The following GPHN variants were observed in gnomAD, a reference collection of about 807,000 sequenced individuals.
GPHN encodes gephyrin.
In GPHN, 17 loss-of-function variants were observed where a neutral mutation model predicts 95.5. The ratio of observed to expected loss-of-function variants is 0.18; its 90% confidence interval spans 0.12 to 0.27. The LOEUF (loss-of-function observed/expected upper bound fraction) is 0.27, where lower values mean the gene tolerates loss of function less well. GPHN is among the 10% of genes least tolerant of loss of function. The pLI is 1.00. For missense variants in GPHN, 660 were observed against 978.1 expected, an observed-to-expected ratio of 0.67 and a Z score of 4.34; for synonymous variants, 320 against 322.5, an observed-to-expected ratio of 0.99 and a Z score of 0.08.
At chr14:67,312,455 C>T in the GPHN span, 3 of 1,077,998 alleles carry the variant, frequency 2.8e-6, no homozygotes, top group African/African-American at 3.3e-5. Context: ...AAATTTGTAG[C>T]ATTTAAATTG....
intron 4 of GPHN, among the ~76,000 whole-genome samples, chr14:66,855,483 A>G (rs1291454172): frequency 6.6e-6 from 1 of 152,162 alleles, no homozygotes; most frequent in Non-Finnish European, 1.5e-5. Context: ...ATGCCTGAAT[A>G]ATATTCTATT....
intron 11 of GPHN, among the ~76,000 whole-genome samples, chr14:67,060,202 TAA>T (rs144651116): frequency 1.2e-4 from 16 of 136,004 alleles, no homozygotes; most frequent in Admixed American, 1.5e-4. Context: ...CATTCTAATT[TAA>T]AAAAAAAAAA....
chr14:67,491,517 T>C, the GPHN span, among the ~76,000 whole-genome samples: 1 of 152,180 alleles, frequency 6.6e-6, no homozygotes, highest in Admixed American at 6.5e-5. Context: ...TTATTATGAA[T>C]AACAAAAGAC....
the GPHN span, among the ~76,000 whole-genome samples, chr14:67,666,267 C>T: frequency 1.5e-4 from 23 of 152,162 alleles, no homozygotes; most frequent in Admixed American, 3.3e-4. Flanking sequence ...TATGAAAATC[C>T]GCATTCTCAA....
chr14:67,725,176 A>G, the GPHN span: 10 of 1,614,056 alleles, frequency 6.2e-6, no homozygotes, highest in Non-Finnish European at 8.5e-6. Context: ...GGATACAAAG[A>G]ACTCCCAGGT....
intron 17 of GPHN, among the ~76,000 whole-genome samples, chr14:67,129,779 A>AG (rs61523388): frequency 2.0e-5 from 3 of 150,084 alleles, no homozygotes; most frequent in African/African-American, 7.4e-5. Context: ...AGAAAGAGAG[A>AG]AAGAAAGAGA....
At chr14:67,645,540 C>A in the GPHN span, 1 of 1,343,980 alleles carries the variant, frequency 7.4e-7, no homozygotes, top group Non-Finnish European at 1.0e-6. Context: ...TAGGCCCTGG[C>A]TTTGCACTGT....
At chr14:67,624,953 T>C in the GPHN span, among the ~76,000 whole-genome samples, 4,854 of 152,242 alleles carry the variant, frequency 0.032, 242 homozygotes, top group African/African-American at 0.11. Context: ...GCAATCACAG[T>C]GAAACCAGGA....
chr14:67,586,876 C>CA, the GPHN span: 1 of 1,521,252 alleles, frequency 6.6e-7, no homozygotes, highest in African/African-American at 1.4e-5. Context: ...AGAGGATCTC[C>CA]AGACCAACAG....
At chr14:67,735,303 T>C in the GPHN span, 1 of 840,230 alleles carries the variant, frequency 1.2e-6, no homozygotes, top group Non-Finnish European at 2.1e-6. Flanking sequence ...ATCTCACCTC[T>C]CTGTAGTGTC....
At chr14:67,714,829 G>A in the GPHN span, 1 of 152,244 alleles carries the variant, frequency 6.6e-6, no homozygotes, top group Non-Finnish European at 1.5e-5. Context: ...CCTTACACCT[G>A]CACTGTGGTG....
At chr14:67,392,096 A>T in the GPHN span, among the ~76,000 whole-genome samples, 1 of 152,192 alleles carries the variant, frequency 6.6e-6, no homozygotes, top group Non-Finnish European at 1.5e-5. Context: ...TGTGTGTAGT[A>T]CATTTTTCCC....
the GPHN span, chr14:67,724,399 T>TGG: frequency 1.1e-5 from 11 of 991,934 alleles, no homozygotes; most frequent in Non-Finnish European, 1.7e-5. Flanking sequence ...AGAGTTTTTT[T>TGG]TTTTTTTTTT....
intron 9 of GPHN, among the ~76,000 whole-genome samples, chr14:67,004,483 C>A (rs1221380620): frequency 6.6e-6 from 1 of 151,598 alleles, no homozygotes; most frequent in Non-Finnish European, 1.5e-5. Context: ...AAATATTGTC[C>A]ATTTTTTAAA....
the GPHN span, among the ~76,000 whole-genome samples, chr14:67,515,983 A>C: frequency 1.3e-5 from 2 of 152,260 alleles, no homozygotes; most frequent in Non-Finnish European, 2.9e-5. Context: ...TATACCATAA[A>C]GGTTACAGAG....
chr14:66,684,378 G>T (rs2067199028), intron 2 of GPHN, among the ~76,000 whole-genome samples: 1 of 152,092 alleles, frequency 6.6e-6, no homozygotes. Flanking sequence ...TGTGGACAAA[G>T]TACAGAAATA....
At chr14:66,803,431 T>C (rs954023606) in intron 3 of GPHN, among the ~76,000 whole-genome samples, 1 of 152,206 alleles carries the variant, frequency 6.6e-6, no homozygotes, top group Non-Finnish European at 1.5e-5. Flanking sequence ...TTTTTTTGTG[T>C]AGATAGTTGT....
At chr14:67,043,804 A>C (rs897775589) in intron 10 of GPHN, among the ~76,000 whole-genome samples, 14 of 152,172 alleles carry the variant, frequency 9.2e-5, no homozygotes, top group African/African-American at 3.4e-4. Context: ...GAATGGTACC[A>C]GCTACTTTTT....
At chr14:67,682,635 C>T in the GPHN span, among the ~76,000 whole-genome samples, 1 of 152,176 alleles carries the variant, frequency 6.6e-6, no homozygotes, top group East Asian at 1.9e-4. Flanking sequence ...AATTAGAATA[C>T]TCATAGACTG....
Sources: allele counts gnomAD v4.1 joint callset (sites outside exome capture counted in the v4.1 genomes callset), GRCh38; gene constraint gnomAD v4.1.1; transcripts MANE v1.5; gene names NCBI Gene and HGNC (gene_info 2026-07-23, HGNC 2026-07-21).